RAP1GDS1: variants seen among roughly 807,000 people sequenced by gnomAD.
RAP1GDS1 encodes RAP1, GTP-GDP dissociation stimulator 1.
RAP1GDS1 carries 35 observed loss-of-function variants against 71.1 expected under a neutral mutation model. The ratio of observed to expected loss-of-function variants is 0.49; its 90% CI spans 0.38 to 0.65. The LOEUF (loss-of-function observed/expected upper bound fraction) is 0.65. Among genes scored for constraint, RAP1GDS1 ranks in the 30% least tolerant of loss-of-function variants. RAP1GDS1 has a pLI of 0.00. For synonymous variants in RAP1GDS1, 229 were observed against 243.1 expected, an observed-to-expected ratio of 0.94 and a Z score of 0.54; for missense variants, 663 against 706.1, an observed-to-expected ratio of 0.94 and a Z score of 0.69.
Position 98,278,673 on chromosome 4 carries a change from C to A in RAP1GDS1, c.5-14735C>A, listed in dbSNP as rs76661835. On this transcript the variant is annotated intron_variant, in intron 1 of 14. Coordinates refer to ENST00000408927, the MANE Select transcript of RAP1GDS1 (RefSeq NM_001100427.2). ...TTTTATATCCTCATTTTATATATAC[C>A]CTTAAGATATTATCATTGTCATTGA... Among the ~76,000 whole-genome samples the A allele has an allele frequency of 3.3e-3, 499 of 152,100 alleles. 2 individuals carry two copies. The highest frequency in any genetic ancestry group is 5.3e-3 in the Non-Finnish European group (358 of 67,990).
In RAP1GDS1 at chr4:98,292,554, T is replaced by TA. The variant is rs1400435764; in HGVS notation, c.5-851dup. The stretch of plus-strand genomic sequence containing the variant: ...TGTTCTGCAGATGTAAGCCAGAACT[T>TA]AAAGTATAATAAAAGAAAAAAAAAA... On this transcript the variant is annotated intron_variant, in intron 1 of 14. Coordinates refer to ENST00000408927, the MANE Select transcript of RAP1GDS1 (RefSeq NM_001100427.2). Among the ~76,000 whole-genome samples the TA allele has an allele frequency of 1.4e-4, 21 of 148,482 alleles. No individual in the cohort carries two copies. In the Admixed American group the frequency reaches 1.4e-3, roughly 10 times the overall value.
At chr4:98,381,637 T>C (rs1038965447) in intron 5 of RAP1GDS1, among the ~76,000 whole-genome samples, 9 of 151,586 alleles carry the variant, frequency 5.9e-5, no homozygotes, top group African/African-American at 1.9e-4. Context: ...AAGTGAAGTT[T>C]CTTTTTATAT....
intron 1 of RAP1GDS1, among the ~76,000 whole-genome samples, chr4:98,289,512 G>A (rs984044608): frequency 8.2e-5 from 11 of 134,492 alleles, no homozygotes; most frequent in Admixed American, 2.4e-4. Context: ...CATAATGTGA[G>A]TTGTAAAAGT....
chr4:98,437,290 T>C (rs1349499285), intron 14 of RAP1GDS1, among the ~76,000 whole-genome samples: 2 of 152,196 alleles, frequency 1.3e-5, no homozygotes, highest in African/African-American at 2.4e-5. Flanking sequence ...ATACACTACA[T>C]TGGTATTTTC....
chr4:98,284,154 A>G (rs556405021), intron 1 of RAP1GDS1, among the ~76,000 whole-genome samples: 17 of 152,316 alleles, frequency 1.1e-4, no homozygotes, highest in South Asian at 4.1e-4. Context: ...AATAATATCT[A>G]TTTCACAAGG....
At chr4:98,265,296 G>A (rs1365210669) in intron 1 of RAP1GDS1, among the ~76,000 whole-genome samples, 1 of 152,138 alleles carries the variant, frequency 6.6e-6, no homozygotes, top group Non-Finnish European at 1.5e-5. Flanking sequence ...ATGAGGATAC[G>A]AGAATCTCCT....
intron 1 of RAP1GDS1, among the ~76,000 whole-genome samples, chr4:98,275,165 T>C (rs1724026250): frequency 6.6e-6 from 1 of 152,144 alleles, no homozygotes; most frequent in African/African-American, 2.4e-5. Flanking sequence ...GTAGTATCGA[T>C]GTATATTGTA....
At chr4:98,433,764 TA>T (rs1750775407) in intron 12 of RAP1GDS1, among the ~76,000 whole-genome samples, 171 bp from the exon 13 acceptor site, 1 of 152,220 alleles carries the variant, frequency 6.6e-6, no homozygotes, top group Non-Finnish European at 1.5e-5. Flanking sequence ...TGAATGTATT[TA>T]AAGCTAAAAG....
chr4:98,328,799 A>G (rs1009201068), intron 2 of RAP1GDS1, among the ~76,000 whole-genome samples: 1 of 152,212 alleles, frequency 6.6e-6, no homozygotes, highest in Non-Finnish European at 1.5e-5. Context: ...TCTCCAAGTC[A>G]TCCTGATTTT....
intron 5 of RAP1GDS1, chr4:98,387,468 C>A (rs564721709): frequency 4.4e-6 from 2 of 455,906 alleles, no homozygotes; most frequent in African/African-American, 4.0e-5. Context: ...ATGAGTGTGA[C>A]CTGAAGAACT....
At chr4:98,314,988 A>G (rs991324513) in intron 2 of RAP1GDS1, among the ~76,000 whole-genome samples, 1 of 152,148 alleles carries the variant, frequency 6.6e-6, no homozygotes, top group East Asian at 1.9e-4. Context: ...TCAGAAAATT[A>G]CTCAGTGGTA....
At chr4:98,383,041 G>C (rs17027538) in intron 5 of RAP1GDS1, among the ~76,000 whole-genome samples, 6,355 of 151,618 alleles carry the variant, frequency 0.042, 313 homozygotes, top group African/African-American at 0.12. Flanking sequence ...ACAAACCAGT[G>C]ATCTAAAGCA....
rs550106111 is a variant in RAP1GDS1, at chr4:98,364,830, C to T, written c.361+12229C>T. Among the ~76,000 whole-genome samples the T allele has an allele frequency of 1.3e-4, 19 of 151,834 alleles. No individual in the cohort carries two copies. The South Asian group carries it at 3.6e-3, about 28-fold the overall frequency. On this transcript the variant is annotated intron_variant, in intron 4 of 14. Transcript: ENST00000408927. ...ATCACTGGAGTCCAGGAGTTCAAGA[C>T]CCACCAGAGCAACATAGGGAGATCC...
chr4:98,409,714 G>A lies in RAP1GDS1; in HGVS notation c.763+5112G>A, dbSNP rs1041622985. The A allele has an allele frequency of 2.2e-5, 10 of 448,098 alleles. No homozygotes were observed. In the East Asian group the frequency reaches 2.5e-4, roughly 11 times the overall value. 27.8% of individuals were successfully genotyped at this position (448,098 alleles called of 1,614,324 possible). ...AGAAGCGCACTTTGTGAGAACAAACGGAAGGGGCCTGAGCTGCTGGAACCT... is the reference window on the plus strand; with the variant it reads ...AGAAGCGCACTTTGTGAGAACAAACAGAAGGGGCCTGAGCTGCTGGAACCT... On this transcript the variant is annotated intron_variant, in intron 7 of 14. Coordinates refer to ENST00000408927, the MANE Select transcript of RAP1GDS1 (RefSeq NM_001100427.2).
At chr4:98,387,144 C>T (rs935056358) in intron 5 of RAP1GDS1, among the ~76,000 whole-genome samples, 8 of 152,142 alleles carry the variant, frequency 5.3e-5, no homozygotes, top group South Asian at 4.1e-4. Flanking sequence ...AATATATCTA[C>T]GTACTAATGT....
intron 2 of RAP1GDS1, among the ~76,000 whole-genome samples, chr4:98,299,027 A>G (rs1304051722): frequency 6.6e-6 from 1 of 152,174 alleles, no homozygotes; most frequent in Non-Finnish European, 1.5e-5. Flanking sequence ...CATTTACATT[A>G]GGTATTTCTC....
chr4:98,409,637 C>A, intron 7 of RAP1GDS1: 2 of 249,094 alleles, frequency 8.0e-6, no homozygotes, highest in Non-Finnish European at 1.6e-5. Flanking sequence ...AAGAAGGGAG[C>A]CAAAGAGAAA....
intron 2 of RAP1GDS1, among the ~76,000 whole-genome samples, chr4:98,299,290 C>T (rs1028267755): frequency 6.6e-6 from 1 of 152,184 alleles, no homozygotes; most frequent in Non-Finnish European, 1.5e-5. Flanking sequence ...GCCACATTTT[C>T]TTTATCTAGT....
intron 4 of RAP1GDS1, among the ~76,000 whole-genome samples, chr4:98,370,259 G>A (rs913309278): frequency 1.3e-5 from 2 of 152,084 alleles, no homozygotes; most frequent in Non-Finnish European, 2.9e-5. Flanking sequence ...AACTGACTGT[G>A]TAATACATTT....
Sources: gnomAD v4.1 joint callset for allele counts (sites outside exome capture counted in the v4.1 genomes callset) on GRCh38, gnomAD v4.1.1 for gene constraint, MANE v1.5 for transcripts, NCBI Gene and HGNC (gene_info 2026-07-23, HGNC 2026-07-21) for gene names.